PHC3: variants seen among roughly 807,000 people sequenced by gnomAD.
The protein encoded by PHC3 is polyhomeotic-like protein 3.
PHC3 carries 13 observed loss-of-function variants against 107.4 expected under a neutral mutation model. The observed-to-expected ratio is 0.12, with a 90% confidence interval of 0.08 to 0.19. The LOEUF (loss-of-function observed/expected upper bound fraction) is 0.19. Ranked by LOEUF, PHC3 falls within the 10% of genes least tolerant of loss-of-function variation. PHC3 has a pLI of 1.00. For synonymous variants in PHC3, 456 were observed against 427.4 expected, an observed-to-expected ratio of 1.07 and a Z score of -0.83; for missense variants, 992 against 1,210.9, an observed-to-expected ratio of 0.82 and a Z score of 2.68.
intron 4 of PHC3, among the ~76,000 whole-genome samples, chr3:170,150,229 T>G (rs1725677828): frequency 6.6e-6 from 1 of 152,112 alleles, no homozygotes. Flanking sequence ...ACACAGATAA[T>G]GCATTCACAT....
chr3:170,121,919 T>C (rs1285883114), intron 9 of PHC3, among the ~76,000 whole-genome samples: 2 of 152,174 alleles, frequency 1.3e-5, no homozygotes, highest in African/African-American at 2.4e-5. Context: ...ATCTGGATGG[T>C]ACTGAACAAT....
intron 9 of PHC3, among the ~76,000 whole-genome samples, chr3:170,120,648 A>G (rs1720089249): frequency 6.6e-6 from 1 of 152,120 alleles, no homozygotes; most frequent in African/African-American, 2.4e-5. Flanking sequence ...ACTTTTCAGG[A>G]GGAGGAAAAG....
At chr3:170,167,691 T>G (rs1232452928) in intron 4 of PHC3, among the ~76,000 whole-genome samples, 1 of 144,870 alleles carries the variant, frequency 6.9e-6, no homozygotes. Flanking sequence ...ACCCAAGAGG[T>G]GGAGGTTGCA....
Position 170,153,144 on chromosome 3 carries a change from A to T in PHC3, c.415-3900T>A, listed in dbSNP as rs577105942. ...CAAATTCAGCATGTTCAAACAGCAA[A>T]CTAATTATTCCTTTTAAAACAGCTT... On this transcript the variant is annotated intron_variant, in intron 4 of 14. Coordinates refer to ENST00000495893, the MANE Select transcript of PHC3 (RefSeq NM_024947.4). Among the ~76,000 whole-genome samples the T allele has an allele frequency of 2.6e-5, 4 of 152,262 alleles. No homozygotes were observed. In the East Asian group the frequency reaches 7.7e-4, roughly 29 times the overall value.
intron 4 of PHC3, among the ~76,000 whole-genome samples, chr3:170,165,536 T>G (rs1423251020): frequency 6.6e-6 from 1 of 151,932 alleles, no homozygotes; most frequent in Non-Finnish European, 1.5e-5. Context: ...GTGGATCACC[T>G]GAGGTCAGGA....
intron 5 of PHC3, chr3:170,147,379 C>T (rs1313160049): frequency 6.6e-6 from 1 of 152,088 alleles, no homozygotes; most frequent in Non-Finnish European, 1.5e-5. Flanking sequence ...ATTAAGTGAC[C>T]TTTTAAACTT....
At chr3:170,116,918 AAAG>A (rs1296684900) in intron 10 of PHC3, among the ~76,000 whole-genome samples, 1 of 152,118 alleles carries the variant, frequency 6.6e-6, no homozygotes, top group Non-Finnish European at 1.5e-5. Flanking sequence ...CTAAAAAAAA[AAAG>A]AAAGAAAAAA....
chr3:170,123,988 C>T (rs2108431873), intron 8 of PHC3, among the ~76,000 whole-genome samples: 1 of 151,938 alleles, frequency 6.6e-6, no homozygotes, highest in Admixed American at 6.5e-5. Context: ...GCTGGGACTA[C>T]AGGCGCGTGC....
chr3:170,106,486 A>G (rs1716545592), intron 12 of PHC3, among the ~76,000 whole-genome samples: 1 of 152,176 alleles, frequency 6.6e-6, no homozygotes, highest in Non-Finnish European at 1.5e-5. Context: ...AAGGACTAGT[A>G]TTATATAATC....
At position 170,095,893 on chromosome 3, in the gene PHC3, C is replaced by T. The variant is rs921913057; in HGVS notation, c.*1337G>A. The T allele has an allele frequency of 2.0e-5, 3 of 152,120 alleles. No homozygotes were observed. Among genetic ancestry groups the T allele is most frequent in the Non-Finnish European group, 2.9e-5 (2 of 68,020 alleles). 9.4% of individuals were successfully genotyped at this position (152,120 alleles called of 1,614,324 possible). ...ATATCCGATGGTTCAAGAGAAATCA[C>T]TTGGTAAGTGCTTTGCAGGAAGCAT... On this transcript the variant is annotated 3_prime_UTR_variant, in exon 15 of 15. Transcript: ENST00000495893.
chr3:170,167,706 G>A (rs1728942898), intron 4 of PHC3, among the ~76,000 whole-genome samples: 1 of 148,242 alleles, frequency 6.7e-6, no homozygotes, highest in Non-Finnish European at 1.5e-5. Flanking sequence ...GTTGCAATGA[G>A]CCAAGATCAC....
intron 6 of PHC3, among the ~76,000 whole-genome samples, 159 bp downstream of exon 6, chr3:170,145,264 C>T (rs1239371285): frequency 6.6e-6 from 1 of 152,142 alleles, no homozygotes; most frequent in Non-Finnish European, 1.5e-5. Context: ...GAACAAAAAA[C>T]ATTTTCTTGA....
At chr3:170,154,923 T>C (rs905745943) in intron 4 of PHC3, among the ~76,000 whole-genome samples, 1 of 152,176 alleles carries the variant, frequency 6.6e-6, no homozygotes, top group Non-Finnish European at 1.5e-5. Context: ...CAGATGTCTT[T>C]ACCAGTTTCC....
chr3:170,102,040 C>A (rs1715573922), intron 14 of PHC3: 1 of 703,924 alleles, frequency 1.4e-6, no homozygotes, highest in South Asian at 6.4e-5. Flanking sequence ...TTTTGATTAG[C>A]TTTCAAAAAT....
At position 170,136,576 on chromosome 3, in the gene PHC3, T is replaced by C. The variant is rs1041271503; in HGVS notation, c.762A>G (p.Ser254=). 1 of 1,613,742 alleles carries C rather than the reference T, an allele frequency of 6.2e-7. No homozygotes were observed. The highest frequency in any genetic ancestry group is 8.5e-7 in the Non-Finnish European group (1 of 1,179,810). The change falls in exon 7 of 15, where the codon TCA becomes TCG. Residue 254 remains serine, a synonymous_variant. Transcript: ENST00000495893. ...TTGTTTTGTTATGACAAATTGTCAA[T>C]GACTGAGTTTGACTAGTGCTTTTTG... ...GPPKSTSQTQ[S]LTICHNKTTV...
At chr3:170,158,483 T>C (rs1727254911) in intron 4 of PHC3, among the ~76,000 whole-genome samples, 1 of 151,874 alleles carries the variant, frequency 6.6e-6, no homozygotes, top group African/African-American at 2.4e-5. Context: ...GCACCTGTAA[T>C]CCCAGCTACT....
chr3:170,145,319 A>T lies in PHC3; in HGVS notation c.672+104T>A, dbSNP rs577092866. On this transcript the variant is annotated intron_variant, in intron 6 of 14. Transcript: ENST00000495893. ...TAAATTTCAATCTGAAATGCATGAC[A>T]AAGAGCACTGAAACCATCAGTAACT... The T allele has an allele frequency of 7.6e-6, 6 of 793,350 alleles. No individual in the cohort carries two copies. In the South Asian group the frequency reaches 1.5e-4, roughly 19 times the overall value. The allele number at this position is 793,350 out of a possible 1,614,324, so 49.1% of individuals were successfully genotyped here.
intron 4 of PHC3, among the ~76,000 whole-genome samples, chr3:170,157,794 G>A (rs1185878022): frequency 6.6e-6 from 1 of 151,914 alleles, no homozygotes; most frequent in African/African-American, 2.4e-5. Context: ...TAAGGTTCTT[G>A]ATCTAAAAAC....
intron 14 of PHC3, among the ~76,000 whole-genome samples, chr3:170,100,641 A>G (rs967372509): frequency 5.9e-5 from 9 of 152,210 alleles, no homozygotes; most frequent in South Asian, 4.1e-4. Flanking sequence ...GATGAACTCT[A>G]TAAGACAAGC....
Sources: gnomAD v4.1 joint callset for allele counts (sites outside exome capture counted in the v4.1 genomes callset) on GRCh38, gnomAD v4.1.1 for gene constraint, MANE v1.5 for transcripts, NCBI Gene and HGNC (gene_info 2026-07-23, HGNC 2026-07-21) for gene names.